The following CLN6 variants were observed in gnomAD, a reference collection of about 807,000 sequenced individuals.
CLN6 encodes CLN6 transmembrane ER protein, also known as ceroid-lipofuscinosis neuronal protein 6.
In CLN6, 22 loss-of-function variants were observed where a neutral mutation model predicts 33.3. The ratio of observed to expected loss-of-function variants is 0.66; its 90% CI spans 0.47 to 0.94. CLN6 has a LOEUF of 0.94. Ranked by LOEUF, CLN6 falls within the 40% of genes least tolerant of loss-of-function variation. CLN6 has a pLI of 0.00. For missense variants in CLN6, 387 were observed against 417.1 expected (o/e 0.93, Z 0.63); for synonymous variants, 201 against 174.6 (o/e 1.15, Z -1.19).
rs1447873860 is a variant in CLN6 at position 68,209,805 on chromosome 15, C to G, written c.543-46G>C. 6.2e-7 allele frequency: 1 copy of G among 1,609,226 alleles called. No individual in the cohort carries two copies. The highest frequency in any genetic ancestry group is 1.1e-5 in the South Asian group (1 of 90,558). On this transcript the variant is annotated intron_variant, in intron 5 of 6. Transcript: ENST00000249806. This position sits in a 1 kb window ranked among gnomAD's most constrained non-coding sequence, Gnocchi z 4.9. ...TCTTAGAGGCCTGCTCAGCGGCCCT[C>G]TTCCCCACAACCTCTGCAACCACTC...
At chr15:68,240,929 A>G (rs1161339814) in intron 1 of CLN6, among the ~76,000 whole-genome samples, 3 of 150,950 alleles carry the variant, frequency 2.0e-5, no homozygotes, top group Non-Finnish European at 4.4e-5. Context: ...GGTTGCAGTG[A>G]GCCGAGATCG....
chr15:68,218,207 C>G (rs1019475589), intron 2 of CLN6: 5 of 326,022 alleles, frequency 1.5e-5, no homozygotes, highest in Non-Finnish European at 3.0e-5. Flanking sequence ...TCCTATACCC[C>G]TTTGTCTGTC....
In CLN6 at chr15:68,219,481, G is replaced by C. The variant is rs74020081; in HGVS notation, c.84-831C>G. ...AGCAGGAAGTGGAGTACTGCCTCAC[G>C]ATACATCTTTGGAGGCCTGTCCCTC... is the stretch of plus-strand genomic sequence containing the variant. On this transcript the variant is annotated intron_variant, in intron 1 of 6. Coordinates refer to ENST00000249806, the MANE Select transcript of CLN6 (RefSeq NM_017882.3). The surrounding 1 kb of genome is among the most constrained non-coding windows in gnomAD (Gnocchi z 4.2). Among the ~76,000 whole-genome samples, 605 of 152,282 alleles carry C rather than the reference G, an allele frequency of 4.0e-3. 1 individual carries two copies. Among genetic ancestry groups the C allele is most frequent in the African/African-American group, 0.013 (553 of 41,552 alleles).
rs1367621677 is a variant in CLN6, at chr15:68,218,636, C to T, written c.98G>A (p.Ser33Asn). The part of the protein sequence containing the change: ...SFLQARHGSV[S>N]ADEAARTAPF... The stretch of plus-strand genomic sequence containing the variant: ...AGCCGTGCGGGCAGCCTCATCAGCG[C>T]TCACAGAGCCATGCCTGGGAAGGAA... The change falls in exon 2 of 7, where the codon AGC becomes AAC. Residue 33 changes from serine (S) to asparagine (N), a missense_variant. By Grantham distance (46) the Ser-to-Asn change is conservative (BLOSUM62 1). Coordinates refer to ENST00000249806, the MANE Select transcript of CLN6 (RefSeq NM_017882.3). The T allele has an allele frequency of 6.2e-7, 1 of 1,613,550 alleles. No homozygotes were observed.
Position 68,229,690 on chromosome 15 carries a change from G to A in CLN6, c.-106C>T, listed in dbSNP as rs1459130912. On this transcript the variant is annotated 5_prime_UTR_variant, in exon 1 of 7. Transcript: ENST00000249806. The stretch of plus-strand genomic sequence containing the variant: ...AAATTCCCAGCGCGGGGCGGTTCGG[G>A]GCGGGCCGGCGAGAGCGCGCGGCCC... 6.5e-6 allele frequency: 6 copies of A among 917,360 alleles called. No individual in the cohort carries two copies. In the African/African-American group the frequency reaches 7.1e-5, roughly 11 times the overall value. 56.8% of individuals were successfully genotyped at this position (917,360 alleles called of 1,614,324 possible). A position where few individuals can be genotyped will look rare whatever the true frequency, so the allele number is the denominator to read the frequency against.
chr15:68,215,189 T>A (rs1487010434), intron 2 of CLN6: 1 of 152,180 alleles, frequency 6.6e-6, no homozygotes, highest in Admixed American at 6.5e-5. Flanking sequence ...TTTAGATGGT[T>A]CTCTCTTTTA....
rs975032562 is a variant in CLN6 at position 68,219,365 on chromosome 15, G to C, written c.84-715C>G. Among the ~76,000 whole-genome samples, 7 of 152,166 alleles carry C rather than the reference G, an allele frequency of 4.6e-5. No individual in the cohort carries two copies. Among genetic ancestry groups the C allele is most frequent in the Non-Finnish European group, 7.3e-5 (5 of 68,032 alleles). On this transcript the variant is annotated intron_variant, in intron 1 of 6. Transcript: ENST00000249806. This position sits in a 1 kb window ranked among gnomAD's most constrained non-coding sequence, Gnocchi z 4.2. ...TCGCTTGATTCCAGCACTGTGAGGA[G>C]GTCAGGTTGGGCTGCTGGTAATCCT...
chr15:68,242,231 G>C lies in CLN6; in HGVS notation c.179+14459C>G, dbSNP rs1304182520. On this transcript the variant is annotated intron_variant, in intron 1 of 6. Transcript: ENST00000538696. This position sits in a 1 kb window ranked among gnomAD's most constrained non-coding sequence, Gnocchi z 5.0. ...TTCGGAATTTATTAAATTTAACAAA[G>C]ATTGAAATTTTTAAAAATCAAATCT... 6.6e-6 allele frequency among the ~76,000 whole-genome samples: 1 copy of C among 152,090 alleles called. No homozygotes were observed. Among genetic ancestry groups the C allele is most frequent in the Non-Finnish European group, 1.5e-5 (1 of 68,012 alleles).
intron 1 of CLN6, chr15:68,254,469 CTT>C (rs1210735815): frequency 6.4e-6 from 2 of 310,506 alleles, no homozygotes; most frequent in East Asian, 1.6e-4. Flanking sequence ...AGTTTGAAGA[CTT>C]AGTATGAAAA....
intron 1 of CLN6, among the ~76,000 whole-genome samples, chr15:68,255,303 C>T (rs534369365): frequency 2.5e-5 from 1 of 39,424 alleles, no homozygotes; most frequent in Admixed American, 4.2e-4. Context: ...ACCTGTTGGA[C>T]CTGACCCCCC....
At chr15:68,237,475 C>A (rs2141160707) in intron 1 of CLN6, among the ~76,000 whole-genome samples, 1 of 152,150 alleles carries the variant, frequency 6.6e-6, no homozygotes, top group Non-Finnish European at 1.5e-5. Context: ...GCAACAGAGA[C>A]CCCATCTCTA....
chr15:68,235,914 T>C (rs1041875840), intron 1 of CLN6, among the ~76,000 whole-genome samples: 4 of 152,164 alleles, frequency 2.6e-5, no homozygotes, highest in Non-Finnish European at 5.9e-5. Context: ...TCTCCAGGAA[T>C]GTATTAAACA....
At position 68,214,513 on chromosome 15, in the gene CLN6, C is replaced by T. The variant is rs534162204; in HGVS notation, c.199-125G>A. 8.5e-6 allele frequency: 6 copies of T among 702,042 alleles called. No individual in the cohort carries two copies. In the East Asian group the frequency reaches 1.7e-4, roughly 19 times the overall value. The allele number at this position is 702,042 out of a possible 1,614,324, so 43.5% of individuals were successfully genotyped here. A position where few individuals can be genotyped will look rare whatever the true frequency, so the allele number is the denominator to read the frequency against. ...TTCACCCCCCACCCCATCATGTACA[C>T]TTAATTCTTCCTGTGATCGCTGGAC... On this transcript the variant is annotated intron_variant, in intron 2 of 6. Coordinates refer to ENST00000249806, the MANE Select transcript of CLN6 (RefSeq NM_017882.3).
At chr15:68,255,383 A>G (rs544074643) in intron 1 of CLN6, among the ~76,000 whole-genome samples, 1 of 129,472 alleles carries the variant, frequency 7.7e-6, no homozygotes, top group Admixed American at 7.0e-5. Context: ...GGAACCCCTC[A>G]AAAAAGCAGT....
chr15:68,221,220 C>A (rs1180525545), intron 1 of CLN6, among the ~76,000 whole-genome samples: 5 of 127,560 alleles, frequency 3.9e-5, no homozygotes, highest in African/African-American at 1.4e-4. Context: ...ATCTCCCTCC[C>A]CCCTCCCCCA....
intron 1 of CLN6, among the ~76,000 whole-genome samples, chr15:68,250,700 A>G (rs1439448321): frequency 2.6e-5 from 4 of 152,118 alleles, no homozygotes; most frequent in East Asian, 1.9e-4. Context: ...GGAGCAAATG[A>G]TACCAAACAT....
At chr15:68,240,016 G>T (rs995238777) in intron 1 of CLN6, among the ~76,000 whole-genome samples, 1 of 152,130 alleles carries the variant, frequency 6.6e-6, no homozygotes, top group Admixed American at 6.5e-5. Flanking sequence ...TAACTTGTAA[G>T]TCAAGTAAGG....
chr15:68,235,278 G>T (rs1239752621), intron 1 of CLN6, among the ~76,000 whole-genome samples: 1 of 152,080 alleles, frequency 6.6e-6, no homozygotes, highest in Non-Finnish European at 1.5e-5. Flanking sequence ...CCTGCCTCTG[G>T]GACCTGCATT....
chr15:68,229,507 C>G lies in CLN6; in HGVS notation c.78G>C (p.Gln26His). The G allele has an allele frequency of 3.4e-6, 5 of 1,467,358 alleles. No homozygotes were observed. The highest frequency in any genetic ancestry group is 1.5e-5 in the African/African-American group (1 of 67,978). 90.9% of individuals were successfully genotyped at this position (1,467,358 alleles called of 1,614,324 possible). A position where few individuals can be genotyped will look rare whatever the true frequency, so the allele number is the denominator to read the frequency against. ...PGAQLGASFLQARHGSVSADE... is the reference protein window; with the variant it reads ...PGAQLGASFLHARHGSVSADE... ...TCACCCCGGCGCGCGCCCACCTGGC[C>G]TGCAGGAAGGAGGCGCCCAGCTGCG... Residue 26 changes from glutamine to histidine, a missense_variant, in exon 1 of 7, where the codon CAG (glutamine) becomes CAC (histidine). Coordinates refer to ENST00000249806, the MANE Select transcript of CLN6 (RefSeq NM_017882.3).
Sources: gnomAD v4.1 joint callset for allele counts (sites outside exome capture counted in the v4.1 genomes callset) on GRCh38, gnomAD v4.1.1 for gene constraint, Gnocchi (gnomAD v3.1) non-coding constraint, MANE v1.5 for transcripts, NCBI Gene and HGNC (gene_info 2026-07-23, HGNC 2026-07-21) for gene names.